Variants in EPHB1 observed in about 807,000 individuals in gnomAD.
EPHB1 encodes the protein EPH receptor B1.
EPHB1 carries 30 observed loss-of-function variants against 94.4 expected under a neutral mutation model. The ratio of observed to expected loss-of-function variants is 0.32; its 90% CI spans 0.24 to 0.43. The LOEUF (loss-of-function observed/expected upper bound fraction) is 0.43. EPHB1 is among the 20% of genes least tolerant of loss of function. EPHB1 has a pLI of 1.00. For missense variants in EPHB1, 1,055 were observed against 1,308.3 expected (o/e 0.81, Z 2.99); for synonymous variants, 522 against 489.1 (o/e 1.07, Z -0.89).
chr3:135,143,238 T>C (rs1940890103), intron 5 of EPHB1, among the ~76,000 whole-genome samples: 1 of 152,000 alleles, frequency 6.6e-6, no homozygotes, highest in Non-Finnish European at 1.5e-5. Context: ...ATGGGGCTGG[T>C]GATGTCCAGA....
intron 3 of EPHB1, among the ~76,000 whole-genome samples, chr3:135,030,598 C>A (rs551784047): frequency 6.6e-6 from 1 of 152,230 alleles, no homozygotes; most frequent in South Asian, 2.1e-4. Flanking sequence ...TCTCCAGCTG[C>A]GTCCTGGGAG....
intron 1 of EPHB1, among the ~76,000 whole-genome samples, chr3:134,916,449 G>A (rs2038570597): frequency 6.6e-6 from 1 of 152,234 alleles, no homozygotes; most frequent in Non-Finnish European, 1.5e-5. Context: ...GGAGCCCATG[G>A]CAGGGTGGGG....
rs563593524 is a variant in EPHB1 at position 135,122,455 on chromosome 3, C to T, written c.962-10259C>T. The stretch of plus-strand genomic sequence containing the variant: ...TCCAGGGGATTTTCAGGGGTGGCAG[C>T]ATATTGTACCTTTCCACTCTTTGGC... On this transcript the variant is annotated intron_variant, in intron 4 of 15. Coordinates refer to ENST00000398015, the MANE Select transcript of EPHB1 (RefSeq NM_004441.5). Among the ~76,000 whole-genome samples, 7 of 152,230 alleles carry T rather than the reference C, an allele frequency of 4.6e-5. No individual in the cohort carries two copies. In the South Asian group the frequency reaches 1.5e-3, roughly 32 times the overall value.
chr3:135,099,152 C>G (rs1275860376), intron 3 of EPHB1, among the ~76,000 whole-genome samples: 1 of 151,152 alleles, frequency 6.6e-6, no homozygotes, highest in Non-Finnish European at 1.5e-5. Flanking sequence ...TGTGTCTTAT[C>G]ACAGCAGTCC....
At chr3:134,840,362 A>G (rs1358749469) in intron 1 of EPHB1, 1 of 152,292 alleles carries the variant, frequency 6.6e-6, no homozygotes, top group Non-Finnish European at 1.5e-5. Context: ...CCCCATCTAG[A>G]TATATGGGCA....
chr3:134,900,717 G>A (rs2038181783), intron 1 of EPHB1, among the ~76,000 whole-genome samples: 1 of 152,102 alleles, frequency 6.6e-6, no homozygotes, highest in Admixed American at 6.6e-5. Flanking sequence ...GAGGACCTGG[G>A]TGCATGTGTG....
chr3:134,831,687 G>T (rs1183205411), intron 1 of EPHB1, among the ~76,000 whole-genome samples: 1 of 152,152 alleles, frequency 6.6e-6, no homozygotes, highest in Non-Finnish European at 1.5e-5. Context: ...AAAGACAGCT[G>T]CTTTCCCTGC....
chr3:135,215,608 G>A (rs1336794776), intron 12 of EPHB1, among the ~76,000 whole-genome samples: 2 of 152,204 alleles, frequency 1.3e-5, no homozygotes, highest in African/African-American at 4.8e-5. Flanking sequence ...AGGACCTCGT[G>A]GCAGGATCAC....
chr3:134,882,827 C>CTTTCTTTCT (rs1560280791), intron 1 of EPHB1, among the ~76,000 whole-genome samples: 27 of 94,794 alleles, frequency 2.8e-4, no homozygotes, highest in African/African-American at 9.0e-4. Flanking sequence ...TCTTTCTTTT[C>CTTTCTTTCT]TTTCTTTCTT....
intron 1 of EPHB1, among the ~76,000 whole-genome samples, chr3:134,856,260 G>C (rs999716962): frequency 1.3e-5 from 2 of 152,160 alleles, no homozygotes; most frequent in Non-Finnish European, 2.9e-5. Flanking sequence ...ACCAGGCCTG[G>C]AAAGGGACTT....
At chr3:134,882,382 C>T (rs1412722033) in intron 1 of EPHB1, among the ~76,000 whole-genome samples, 1 of 152,158 alleles carries the variant, frequency 6.6e-6, no homozygotes, top group Non-Finnish European at 1.5e-5. Context: ...TGCTCATATT[C>T]CTCAAAGCCC....
chr3:134,926,015 C>T (rs2038784869), intron 2 of EPHB1, 135 bp downstream of exon 2: 2 of 712,212 alleles, frequency 2.8e-6, no homozygotes, highest in Non-Finnish European at 4.4e-6. Context: ...GTCCACTGCC[C>T]ATCCATGCAA....
At chr3:135,015,281 C>T (rs1345437880) in intron 3 of EPHB1, among the ~76,000 whole-genome samples, 1 of 151,568 alleles carries the variant, frequency 6.6e-6, no homozygotes, top group Non-Finnish European at 1.5e-5. Context: ...TGCTCCATTG[C>T]CCAGGCTGGA....
chr3:134,924,543 T>C (rs2038752717), intron 1 of EPHB1, among the ~76,000 whole-genome samples: 1 of 152,206 alleles, frequency 6.6e-6, no homozygotes, highest in Non-Finnish European at 1.5e-5. Context: ...GATATATCAC[T>C]ACACACTGAT....
intron 1 of EPHB1, among the ~76,000 whole-genome samples, chr3:134,860,523 A>G (rs533537410): frequency 1.3e-5 from 2 of 152,314 alleles, no homozygotes; most frequent in South Asian, 4.1e-4. Flanking sequence ...ACTTTAAAAA[A>G]AGATTTCTTG....
chr3:135,180,262 G>C (rs960121350), intron 10 of EPHB1, among the ~76,000 whole-genome samples: 1 of 152,184 alleles, frequency 6.6e-6, no homozygotes, highest in East Asian at 1.9e-4. Flanking sequence ...CTCTGGAAAT[G>C]GACCACCAAA....
chr3:135,255,438 A>T, intron 15 of EPHB1, among the ~76,000 whole-genome samples: 1 of 137,148 alleles, frequency 7.3e-6, no homozygotes. Context: ...GTTGGTTTCA[A>T]AGAACATCTT....
At chr3:135,115,263 T>C (rs1344861366) in intron 4 of EPHB1, among the ~76,000 whole-genome samples, 2 of 152,188 alleles carry the variant, frequency 1.3e-5, no homozygotes, top group Admixed American at 6.5e-5. Context: ...TCTCAGGCAA[T>C]TGTCTTGGTG....
intron 3 of EPHB1, among the ~76,000 whole-genome samples, chr3:134,971,916 C>G (rs924440608): frequency 6.6e-6 from 1 of 152,132 alleles, no homozygotes; most frequent in Non-Finnish European, 1.5e-5. Flanking sequence ...GGAGGAGCTG[C>G]TGATTTTTAG....
Sources: allele counts gnomAD v4.1 joint callset (sites outside exome capture counted in the v4.1 genomes callset), GRCh38; gene constraint gnomAD v4.1.1; transcripts MANE v1.5; gene names NCBI Gene and HGNC (gene_info 2026-07-23, HGNC 2026-07-21).